Variants in LRIG1 observed in about 807,000 individuals in gnomAD.
LRIG1 encodes leucine-rich repeats and immunoglobulin-like domains protein 1.
Under a neutral mutation model 99.2 loss-of-function variants are expected in LRIG1, and 48 were observed. The ratio of observed to expected loss-of-function variants is 0.48; its 90% CI spans 0.38 to 0.62. The LOEUF (loss-of-function observed/expected upper bound fraction) is 0.62. Among genes scored for constraint, LRIG1 ranks in the 20% least tolerant of loss-of-function variants. The probability of loss-of-function intolerance (pLI) is 0.00; values close to 1 mark genes in which losing one functional copy is unlikely to be tolerated. For synonymous variants in LRIG1, 772 were observed against 596.1 expected (o/e 1.29, Z -4.30); for missense variants, 1,646 against 1,434.4 (o/e 1.15, Z -2.38).
intron 1 of LRIG1, among the ~76,000 whole-genome samples, chr3:66,484,293 G>A (rs770611785): frequency 1.3e-5 from 2 of 152,150 alleles, no homozygotes; most frequent in Non-Finnish European, 2.9e-5. Flanking sequence ...TATCTGTCAC[G>A]AGCATTTAAT....
intron 2 of LRIG1, 150 bp downstream of exon 2, chr3:66,462,288 T>G (rs1354925411): frequency 4.7e-6 from 3 of 642,552 alleles, no homozygotes; most frequent in East Asian, 5.5e-5. Flanking sequence ...TAAGCAGGAG[T>G]AGAATTCATC....
intron 1 of LRIG1, among the ~76,000 whole-genome samples, chr3:66,493,985 A>G (rs955457610): frequency 5.5e-5 from 8 of 144,648 alleles, no homozygotes; most frequent in Non-Finnish European, 1.1e-4. Context: ...AGAGAAAAAG[A>G]GAAAGAGGGA....
Position 66,379,288 on chromosome 3 carries a change from G to GGGTC in LRIG1, c.*971_*974dup, listed in dbSNP as rs1700886893. On this transcript the variant is annotated 3_prime_UTR_variant, in exon 19 of 19. Transcript: ENST00000273261. ...GGAATGGCATGGACAGGCCTGCTCT[G>GGGTC]GGTCCTTAGTAGAAATAAGGTAGCC... The GGGTC allele has an allele frequency of 6.6e-6, 1 of 152,582 alleles. No homozygotes were observed. Among genetic ancestry groups the GGGTC allele is most frequent in the Non-Finnish European group, 1.5e-5 (1 of 68,036 alleles). The allele number at this position is 152,582 out of a possible 1,614,324, so 9.5% of individuals were successfully genotyped here.
rs767843956 is a variant in LRIG1 at position 66,386,309 on chromosome 3, G to A, written c.1469-8C>T. ...GTGGCTTCAGGAAGTCATCTGGGGA[G>A]AGAAGGGTCAACTGTAAAGCGCTGG... On this transcript the variant is annotated splice_polypyrimidine_tract_variant and splice_region_variant and intron_variant, in intron 12 of 18. Transcript: ENST00000273261. The A allele has an allele frequency of 1.9e-6, 3 of 1,612,070 alleles. No homozygotes were observed. Among genetic ancestry groups the A allele is most frequent in the African/African-American group, 2.7e-5 (2 of 74,808 alleles).
At chr3:66,443,307 G>A (rs1703604942) in intron 3 of LRIG1, among the ~76,000 whole-genome samples, 1 of 140,386 alleles carries the variant, frequency 7.1e-6, no homozygotes, top group Admixed American at 7.3e-5. Context: ...GAGGGTATGT[G>A]TTGGGGGCAG....
chr3:66,470,686 G>A (rs995556542), intron 1 of LRIG1, among the ~76,000 whole-genome samples: 1 of 152,110 alleles, frequency 6.6e-6, no homozygotes, highest in Admixed American at 6.5e-5. Flanking sequence ...TAAGAACAGA[G>A]TATCGCCTTG....
intron 3 of LRIG1, among the ~76,000 whole-genome samples, chr3:66,418,539 C>G (rs1050672470): frequency 6.6e-6 from 1 of 152,216 alleles, no homozygotes; most frequent in Non-Finnish European, 1.5e-5. Flanking sequence ...AGTCAAACCA[C>G]TGCAGCCCTC....
At chr3:66,426,739 G>C (rs1702993111) in intron 3 of LRIG1, among the ~76,000 whole-genome samples, 1 of 152,150 alleles carries the variant, frequency 6.6e-6, no homozygotes, top group African/African-American at 2.4e-5. Flanking sequence ...CTTTACAGAA[G>C]ACAGAAATCC....
At chr3:66,447,936 C>T (rs1156502473) in intron 3 of LRIG1, among the ~76,000 whole-genome samples, 4 of 152,232 alleles carry the variant, frequency 2.6e-5, no homozygotes, top group Non-Finnish European at 5.9e-5. Context: ...CTGGCAGCTT[C>T]TGCCCCCATT....
intron 3 of LRIG1, among the ~76,000 whole-genome samples, chr3:66,434,473 G>A (rs939877687): frequency 3.9e-5 from 6 of 152,130 alleles, no homozygotes; most frequent in Non-Finnish European, 7.3e-5. Flanking sequence ...ACGGTCAGGC[G>A]CGGTAGCTCA....
chr3:66,461,640 G>A (rs909651954), intron 2 of LRIG1, among the ~76,000 whole-genome samples: 2 of 152,114 alleles, frequency 1.3e-5, no homozygotes, highest in African/African-American at 4.8e-5. Flanking sequence ...TGAGAATACT[G>A]GTGATTTTCA....
intron 1 of LRIG1, among the ~76,000 whole-genome samples, chr3:66,464,420 C>A (rs946904290): frequency 6.6e-6 from 1 of 151,240 alleles, no homozygotes; most frequent in African/African-American, 2.4e-5. Flanking sequence ...TCCCCCGAAA[C>A]AAGGGCCAGT....
chr3:66,444,948 C>A (rs1001953590), intron 3 of LRIG1, among the ~76,000 whole-genome samples: 1 of 150,916 alleles, frequency 6.6e-6, no homozygotes, highest in African/African-American at 2.4e-5. Flanking sequence ...CATATATATA[C>A]GTGTGTATAT....
chr3:66,381,241 T>C (rs575799516), intron 17 of LRIG1, among the ~76,000 whole-genome samples: 1 of 152,318 alleles, frequency 6.6e-6, no homozygotes, highest in East Asian at 1.9e-4. Flanking sequence ...TTGCCCCTTA[T>C]TTAAGTTGCT....
chr3:66,462,211 G>A (rs1700370608), intron 2 of LRIG1, among the ~76,000 whole-genome samples: 1 of 152,258 alleles, frequency 6.6e-6, no homozygotes, highest in Non-Finnish European at 1.5e-5. Flanking sequence ...ATGCGCCCAG[G>A]ATTTCCAGGA....
At chr3:66,396,512 T>G (rs1175294008) in intron 11 of LRIG1, among the ~76,000 whole-genome samples, 3 of 152,184 alleles carry the variant, frequency 2.0e-5, no homozygotes, top group Non-Finnish European at 4.4e-5. Context: ...CAAGTGGAAT[T>G]AACCATTTCT....
chr3:66,464,239 T>C (rs1016740315), intron 1 of LRIG1, among the ~76,000 whole-genome samples: 1 of 152,186 alleles, frequency 6.6e-6, no homozygotes, highest in Non-Finnish European at 1.5e-5. Flanking sequence ...TGTATCATCA[T>C]AGGTAACAGG....
chr3:66,463,748 T>C (rs959367497), intron 1 of LRIG1, among the ~76,000 whole-genome samples: 1 of 152,236 alleles, frequency 6.6e-6, no homozygotes, highest in African/African-American at 2.4e-5. Context: ...TTAAAGTCTG[T>C]CTCAGAAAGT....
chr3:66,447,212 A>T (rs1033530126), intron 3 of LRIG1, among the ~76,000 whole-genome samples: 5 of 152,172 alleles, frequency 3.3e-5, no homozygotes, highest in Non-Finnish European at 5.9e-5. Context: ...TATCCTTTGT[A>T]TTACAAACAA....
Sources: allele counts gnomAD v4.1 joint callset (sites outside exome capture counted in the v4.1 genomes callset), GRCh38; gene constraint gnomAD v4.1.1; transcripts MANE v1.5; gene names NCBI Gene and HGNC (gene_info 2026-07-23, HGNC 2026-07-21).